TRPM1: variants seen among roughly 807,000 people sequenced by gnomAD.
TRPM1 encodes the protein TRPM1-203 APA Isoform, Intron 10.
TRPM1 carries 113 observed loss-of-function variants against 149.4 expected under a neutral mutation model. The ratio of observed to expected loss-of-function variants is 0.76; its 90% CI spans 0.65 to 0.88. The LOEUF (loss-of-function observed/expected upper bound fraction) is 0.88. TRPM1 is among the 40% of genes least tolerant of loss of function. TRPM1 has a pLI of 0.00. For missense variants in TRPM1, 1,976 were observed against 2,038.7 expected (o/e 0.97, Z 0.59); for synonymous variants, 741 against 759.5 (o/e 0.98, Z 0.40).
chr15:31,154,470 G>T (rs2036342228), intron 1 of TRPM1, among the ~76,000 whole-genome samples: 1 of 152,194 alleles, frequency 6.6e-6, no homozygotes, highest in Non-Finnish European at 1.5e-5. Flanking sequence ...CAGTGAAAGA[G>T]ATCTAACTTA....
intron 1 of TRPM1, among the ~76,000 whole-genome samples, chr15:31,095,280 A>T (rs774140376): frequency 3.3e-5 from 5 of 152,258 alleles, no homozygotes; most frequent in Non-Finnish European, 4.4e-5. Flanking sequence ...GTTGGAAGTA[A>T]GGACAGAGAG....
intron 1 of TRPM1, among the ~76,000 whole-genome samples, chr15:31,157,470 C>A (rs988208254): frequency 6.6e-6 from 1 of 152,088 alleles, no homozygotes; most frequent in East Asian, 1.9e-4. Context: ...GCTGGGCTAT[C>A]CTATTATTAA....
chr15:31,161,068 G>C (rs911907646), exon 1 of TRPM1: 2 of 1,139,712 alleles, frequency 1.8e-6, no homozygotes, highest in African/African-American at 3.0e-5. Flanking sequence ...CACACTCGGC[G>C]GCAGCCCCAC....
chr15:31,098,754 G>C (rs2035449251), intron 1 of TRPM1, among the ~76,000 whole-genome samples: 1 of 152,042 alleles, frequency 6.6e-6, no homozygotes, highest in Admixed American at 6.6e-5. Context: ...CCCACCCTGG[G>C]GGAGCAGACA....
At chr15:31,061,923 G>A (rs984022474) in intron 9 of TRPM1, among the ~76,000 whole-genome samples, 3 of 152,188 alleles carry the variant, frequency 2.0e-5, no homozygotes, top group African/African-American at 7.2e-5. Context: ...CCTGACCTCA[G>A]GTGATCTGCC....
chr15:31,063,793 T>C (rs1010745765), intron 7 of TRPM1, among the ~76,000 whole-genome samples: 2 of 152,184 alleles, frequency 1.3e-5, no homozygotes, highest in African/African-American at 4.8e-5. Context: ...TATGGCCTCA[T>C]TGGGAAAACC....
chr15:31,137,580 A>C (rs1226737874), intron 1 of TRPM1, among the ~76,000 whole-genome samples: 1 of 151,814 alleles, frequency 6.6e-6, no homozygotes, highest in Non-Finnish European at 1.5e-5. Flanking sequence ...AGTCTCAAAG[A>C]GACAACAAGA....
intron 20 of TRPM1, among the ~76,000 whole-genome samples, chr15:31,036,677 T>C (rs541506689): frequency 6.6e-6 from 1 of 152,308 alleles, no homozygotes; most frequent in South Asian, 2.1e-4. Context: ...CCTGGCCCCA[T>C]CTCCGGCAGC....
At chr15:31,027,214 A>G in intron 25 of TRPM1, 97 bp from the exon 26 acceptor site, 3 of 1,153,420 alleles carry the variant, frequency 2.6e-6, no homozygotes, top group African/African-American at 1.5e-5. Flanking sequence ...AAAATACTCA[A>G]TGAGATGGCC....
chr15:31,028,639 C>G (rs1478800954), intron 24 of TRPM1, among the ~76,000 whole-genome samples, 163 bp from the exon 25 acceptor site: 1 of 151,874 alleles, frequency 6.6e-6, no homozygotes, highest in Admixed American at 6.6e-5. Flanking sequence ...GTAGCCCCAG[C>G]TACTCGGGAG....
intron 16 of TRPM1, 35 bp downstream of exon 16, chr15:31,046,169 A>G (rs758697839): frequency 1.2e-6 from 2 of 1,606,354 alleles, no homozygotes; most frequent in Non-Finnish European, 1.7e-6. Context: ...TTTGACCAGG[A>G]TATTATAAAA....
intron 1 of TRPM1, among the ~76,000 whole-genome samples, chr15:31,125,403 A>G (rs1402603282): frequency 1.3e-5 from 2 of 152,108 alleles, no homozygotes; most frequent in African/African-American, 2.4e-5. Flanking sequence ...CTGCAAACCT[A>G]AAACTACTCT....
At chr15:31,123,045 C>T (rs2035900911) in intron 1 of TRPM1, among the ~76,000 whole-genome samples, 1 of 152,146 alleles carries the variant, frequency 6.6e-6, no homozygotes, top group South Asian at 2.1e-4. Flanking sequence ...TGCACTAATG[C>T]AATAAAGTGA....
intron 1 of TRPM1, among the ~76,000 whole-genome samples, chr15:31,082,641 C>G (rs556919695): frequency 1.3e-5 from 2 of 152,268 alleles, no homozygotes; most frequent in East Asian, 3.9e-4. Flanking sequence ...GGAAGAAAGT[C>G]CAAGAGGAGT....
At chr15:31,127,465 A>G (rs1313875697) in intron 1 of TRPM1, among the ~76,000 whole-genome samples, 2 of 152,234 alleles carry the variant, frequency 1.3e-5, no homozygotes, top group African/African-American at 2.4e-5. Context: ...ACACAAGAGA[A>G]TTCAAAATTC....
At chr15:31,015,823 TG>T (rs2140883695) in intron 27 of TRPM1, among the ~76,000 whole-genome samples, 1 of 152,346 alleles carries the variant, frequency 6.6e-6, no homozygotes, top group South Asian at 2.1e-4. Context: ...TAGAGATTTC[TG>T]TTACTCATAT....
chr15:31,066,055 C>T (rs368231919), intron 7 of TRPM1, 21 bp downstream of exon 7: 66 of 1,611,660 alleles, frequency 4.1e-5, no homozygotes, highest in African/African-American at 2.4e-4. Flanking sequence ...AGGAGGACTG[C>T]GTGCCTTTGC....
chr15:31,150,709 T>C (rs1211112239), intron 1 of TRPM1, among the ~76,000 whole-genome samples: 7 of 152,126 alleles, frequency 4.6e-5, no homozygotes, highest in Non-Finnish European at 1.0e-4. Context: ...GCTGGGATTA[T>C]AGGCATGAGC....
intron 1 of TRPM1, among the ~76,000 whole-genome samples, chr15:31,118,855 A>G (rs1000370182): frequency 6.6e-6 from 1 of 151,864 alleles, no homozygotes; most frequent in African/African-American, 2.4e-5. Context: ...GATCTCACCT[A>G]TAATTACCAT....
Sources: gnomAD v4.1 joint callset for allele counts (sites outside exome capture counted in the v4.1 genomes callset) on GRCh38, gnomAD v4.1.1 for gene constraint, MANE v1.5 for transcripts, NCBI Gene and HGNC (gene_info 2026-07-23, HGNC 2026-07-21) for gene names.